PLEKHG4B: variants seen among roughly 807,000 people sequenced by gnomAD.
PLEKHG4B encodes the protein pleckstrin homology domain-containing family G member 4B.
PLEKHG4B carries 111 observed loss-of-function variants against 121.3 expected under a neutral mutation model. The ratio of observed to expected loss-of-function variants is 0.92; its 90% CI spans 0.78 to 1.07. The LOEUF is 1.07. PLEKHG4B is among the 50% of genes least tolerant of loss of function. The probability of loss-of-function intolerance (pLI) is 0.00; values close to 1 mark genes in which losing one functional copy is unlikely to be tolerated. For synonymous variants in PLEKHG4B, 738 were observed against 725.0 expected, an observed-to-expected ratio of 1.02 and a Z score of -0.29; for missense variants, 1,831 against 1,757.8, an observed-to-expected ratio of 1.04 and a Z score of -0.74.
chr5:177,953 T>G (rs909377132), intron 18 of PLEKHG4B, among the ~76,000 whole-genome samples: 1 of 150,342 alleles, frequency 6.7e-6, no homozygotes, highest in African/African-American at 2.5e-5. Flanking sequence ...CATCTGAGGC[T>G]TCCCTTTTCT....
In PLEKHG4B at chr5:156,788, C is replaced by T. The variant is rs541524107; in HGVS notation, c.2364C>T (p.Ala788=). 157 of 1,558,532 alleles carry T rather than the reference C, an allele frequency of 1.0e-4. No individual in the cohort carries two copies. The highest frequency in any genetic ancestry group is 1.2e-4 in the Non-Finnish European group (139 of 1,151,350). ...TCTTCCTCAGGGACACCCTGGAGGC[C>T]GCCACAAGCCTGTACGACCGAGTGG... ...GTEDSRDTLE[A]ATSLYDRVDE... Residue 788 remains alanine, a synonymous_variant, in exon 11 of 20, where the codon GCC becomes GCT. Transcript: ENST00000637938. This position sits in a 1 kb window ranked among gnomAD's most constrained non-coding sequence, Gnocchi z 4.4.
chr5:135,728 T>C (rs1215739714), intron 2 of PLEKHG4B, among the ~76,000 whole-genome samples: 1 of 118,340 alleles, frequency 8.5e-6, no homozygotes, highest in Non-Finnish European at 1.7e-5. Context: ...TATATATATA[T>C]GTATGTCAGT....
chr5:155,466 A>G, intron 9 of PLEKHG4B, 23 bp downstream of exon 9: 1 of 1,586,822 alleles, frequency 6.3e-7, no homozygotes, highest in Non-Finnish European at 8.7e-7. Flanking sequence ...ACTTGCAGGT[A>G]AGTTCATTTC....
At chr5:107,765 T>G (rs1178849190) in intron 1 of PLEKHG4B, among the ~76,000 whole-genome samples, 7 of 152,174 alleles carry the variant, frequency 4.6e-5, no homozygotes, top group Non-Finnish European at 7.3e-5. Flanking sequence ...TGCCCTGGTG[T>G]GGCCAGGAGC....
chr5:175,321 C>A (rs13154353), intron 18 of PLEKHG4B, among the ~76,000 whole-genome samples: 1 of 151,830 alleles, frequency 6.6e-6, no homozygotes, highest in Non-Finnish European at 1.5e-5. Context: ...TTTGCTCCCC[C>A]CACCGACTTC....
intron 1 of PLEKHG4B, among the ~76,000 whole-genome samples, chr5:109,815 C>G (rs1023141062): frequency 1.3e-5 from 2 of 152,234 alleles, no homozygotes; most frequent in East Asian, 3.8e-4. Context: ...CAGGGCAAAG[C>G]TCAGCGAAGT....
chr5:162,061 A>G (rs1409830751), intron 12 of PLEKHG4B, 117 bp downstream of exon 12: 1 of 1,318,934 alleles, frequency 7.6e-7, no homozygotes, highest in African/African-American at 1.6e-5. Context: ...GAGGCCGGGC[A>G]CCTGCGATGG....
At chr5:126,842 G>C (rs1050365031) in intron 2 of PLEKHG4B, among the ~76,000 whole-genome samples, 3 of 152,178 alleles carry the variant, frequency 2.0e-5, no homozygotes, top group African/African-American at 7.2e-5. Flanking sequence ...AGAGAGGGGT[G>C]CCCAAAAGGG....
chr5:148,355 AAATAAAT>A (rs1159852758), intron 6 of PLEKHG4B, among the ~76,000 whole-genome samples: 15 of 151,106 alleles, frequency 9.9e-5, no homozygotes, highest in African/African-American at 3.4e-4. Context: ...AAAAAAAAAA[AAATAAAT>A]AAAAATAAGT....
intron 2 of PLEKHG4B, among the ~76,000 whole-genome samples, chr5:132,179 A>G (rs1734800027): frequency 6.7e-6 from 1 of 150,164 alleles, no homozygotes. Flanking sequence ...TTACGCAAGG[A>G]AAAAAAAAAG....
At chr5:93,967 T>C (rs566017002) in intron 1 of PLEKHG4B, among the ~76,000 whole-genome samples, 2 of 152,250 alleles carry the variant, frequency 1.3e-5, no homozygotes, top group African/African-American at 4.8e-5. Flanking sequence ...CCTCCCTCCT[T>C]CCAAACAGAA....
chr5:144,817 C>G lies in PLEKHG4B; in HGVS notation c.1812-10C>G. 6.2e-7 allele frequency: 1 copy of G among 1,611,184 alleles called. No homozygotes were observed. Among genetic ancestry groups the G allele is most frequent in the Non-Finnish European group, 8.5e-7 (1 of 1,178,260 alleles). ...TCAGTGGTTAAGATGGGCTGTCTTT[C>G]CCTCCCCAGGAAAGAGGTCCGGGAC... On this transcript the variant is annotated splice_polypyrimidine_tract_variant and intron_variant, in intron 5 of 19. Coordinates refer to ENST00000637938, the MANE Select transcript of PLEKHG4B (RefSeq NM_052909.5).
At chr5:98,565 G>A (rs1359821778) in intron 1 of PLEKHG4B, among the ~76,000 whole-genome samples, 12 of 146,606 alleles carry the variant, frequency 8.2e-5, no homozygotes, top group Non-Finnish European at 1.5e-4. Context: ...CTCCCAAGTA[G>A]CTGGGACTAC....
intron 11 of PLEKHG4B, among the ~76,000 whole-genome samples, chr5:160,306 G>A (rs1414482250): frequency 1.3e-5 from 2 of 152,208 alleles, no homozygotes; most frequent in African/African-American, 4.8e-5. Flanking sequence ...GAACATCTCT[G>A]TGTCTCTGCT....
At chr5:141,730 T>G (rs1735211982) in intron 3 of PLEKHG4B, among the ~76,000 whole-genome samples, 1 of 151,220 alleles carries the variant, frequency 6.6e-6, no homozygotes, top group African/African-American at 2.4e-5. Flanking sequence ...TTTTTTTTTT[T>G]TTGAGTAAAG....
rs138506515 is a variant in PLEKHG4B, at chr5:116,613, A to G, written c.243+3165A>G. Reference sequence around the variant, plus strand: ...GTTCTTGAGGCCGGGGTAAAACTGTAGTGATAGCCGGGTTGTGGGTGTGTT... The same window carrying G: ...GTTCTTGAGGCCGGGGTAAAACTGTGGTGATAGCCGGGTTGTGGGTGTGTT... On this transcript the variant is annotated intron_variant, in intron 2 of 19. Coordinates refer to ENST00000637938, the MANE Select transcript of PLEKHG4B (RefSeq NM_052909.5). 3.8e-3 allele frequency among the ~76,000 whole-genome samples: 584 copies of G among 152,364 alleles called. 1 individual carries two copies. Among genetic ancestry groups the G allele is most frequent in the Non-Finnish European group, 5.8e-3 (394 of 68,042 alleles).
rs145042083 is a variant in PLEKHG4B, at chr5:135,288, G to T, written c.244-4195G>T. The stretch of plus-strand genomic sequence containing the variant: ...TAAAAAGGTAAAAGACTTGTTCACT[G>T]AAAATACAAAGCATTGCTGAAAGAA... On this transcript the variant is annotated intron_variant, in intron 2 of 19. Transcript: ENST00000637938. Among the ~76,000 whole-genome samples, 428 of 151,584 alleles carry T rather than the reference G, an allele frequency of 2.8e-3. 5 individuals carry two copies. The highest frequency in any genetic ancestry group is 9.8e-3 in the African/African-American group (404 of 41,280).
chr5:183,978 TA>T lies in PLEKHG4B; in HGVS notation c.*1656del, dbSNP rs902334138. On this transcript the variant is annotated 3_prime_UTR_variant, in exon 20 of 20. Coordinates refer to ENST00000637938, the MANE Select transcript of PLEKHG4B (RefSeq NM_052909.5). ...CTAGATATATATACAGACAGATAGA[TA>T]GATAGATAGATCGATAGATAGATAG... The T allele has an allele frequency of 2.9e-5, 2 of 69,118 alleles. No individual in the cohort carries two copies. The highest frequency in any genetic ancestry group is 5.5e-5 in the African/African-American group (1 of 18,066). 4.3% of individuals were successfully genotyped at this position (69,118 alleles called of 1,614,324 possible).
chr5:132,065 C>T (rs776789548), intron 2 of PLEKHG4B, among the ~76,000 whole-genome samples: 3 of 152,030 alleles, frequency 2.0e-5, no homozygotes, highest in Admixed American at 1.3e-4. Flanking sequence ...GTATTGTCCT[C>T]GGTGGGAGAC....
Sources: gnomAD v4.1 joint callset for allele counts (sites outside exome capture counted in the v4.1 genomes callset) on GRCh38, gnomAD v4.1.1 for gene constraint, Gnocchi (gnomAD v3.1) non-coding constraint, MANE v1.5 for transcripts, NCBI Gene and HGNC (gene_info 2026-07-23, HGNC 2026-07-21) for gene names.